The following CMSS1 variants were observed in gnomAD, a reference collection of about 807,000 sequenced individuals.
CMSS1 encodes cms1 ribosomal small subunit homolog.
In CMSS1, 33 loss-of-function variants were observed where a neutral mutation model predicts 43.5. The observed-to-expected ratio is 0.76, with a 90% CI of 0.57 to 1.01. The LOEUF is 1.01. CMSS1 is among the 50% of genes least tolerant of loss of function. The probability of loss-of-function intolerance (pLI) is 0.00; values close to 1 mark genes in which losing one functional copy is unlikely to be tolerated. For missense variants in CMSS1, 313 were observed against 326.4 expected (o/e 0.96, Z 0.32); for synonymous variants, 115 against 117.2 (o/e 0.98, Z 0.12).
intron 1 of CMSS1, among the ~76,000 whole-genome samples, chr3:99,961,287 ATTTTG>A (rs1043331682): frequency 4.3e-4 from 66 of 152,016 alleles, no homozygotes; most frequent in African/African-American, 1.5e-3. Context: ...GGGTTGGATT[ATTTTG>A]TTTTGTTTTG....
At chr3:99,888,818 T>A (rs1008203538) in intron 1 of CMSS1, among the ~76,000 whole-genome samples, 1 of 152,212 alleles carries the variant, frequency 6.6e-6, no homozygotes. Flanking sequence ...AAAAAATAAC[T>A]CTGCTAAGAA....
Position 100,179,286 on chromosome 3 carries a change from T to C in CMSS1, c.*898T>C, listed in dbSNP as rs2067170952. The C allele has an allele frequency of 6.6e-6, 1 of 152,228 alleles. No individual in the cohort carries two copies. Among genetic ancestry groups the C allele is most frequent in the South Asian group, 2.1e-4 (1 of 4,830 alleles). 9.4% of individuals were successfully genotyped at this position (152,228 alleles called of 1,614,324 possible). A position where few individuals can be genotyped will look rare whatever the true frequency, so the allele number is the denominator to read the frequency against. ...CACATTTCAAAACACAATCATGCCT[T>C]CTCAACAGTCCCCCAAAGTCTTAAC... On this transcript the variant is annotated 3_prime_UTR_variant, in exon 10 of 10. Coordinates refer to ENST00000421999, the MANE Select transcript of CMSS1 (RefSeq NM_032359.4).
intron 1 of CMSS1, among the ~76,000 whole-genome samples, chr3:99,879,208 G>A (rs1314553605): frequency 1.3e-5 from 2 of 152,124 alleles, no homozygotes; most frequent in African/African-American, 4.8e-5. Context: ...TTTCTACCAA[G>A]TTCATTGCTT....
chr3:99,968,313 A>G (rs1411749003), intron 1 of CMSS1, among the ~76,000 whole-genome samples: 1 of 152,158 alleles, frequency 6.6e-6, no homozygotes, highest in Non-Finnish European at 1.5e-5. Flanking sequence ...TGTAGCCTAA[A>G]TTGTACTTAG....
At chr3:99,883,107 T>G (rs559433048) in intron 1 of CMSS1, among the ~76,000 whole-genome samples, 2 of 152,336 alleles carry the variant, frequency 1.3e-5, no homozygotes, top group South Asian at 4.1e-4. Context: ...TCAAAAGTCT[T>G]GTGTCTACGC....
At chr3:99,995,506 A>T (rs1215936804) in intron 1 of CMSS1, among the ~76,000 whole-genome samples, 1 of 152,072 alleles carries the variant, frequency 6.6e-6, no homozygotes, top group Non-Finnish European at 1.5e-5. Context: ...GGTCTGGAGG[A>T]TGGTGGCCCT....
chr3:99,930,814 T>C (rs780364901), intron 1 of CMSS1: 22 of 1,612,682 alleles, frequency 1.4e-5, no homozygotes, highest in East Asian at 2.2e-5. Context: ...ACAGGTCATC[T>C]CTTGAGAGGT....
chr3:99,872,172 G>A (rs932721883), intron 1 of CMSS1, among the ~76,000 whole-genome samples: 1 of 152,034 alleles, frequency 6.6e-6, no homozygotes, highest in Non-Finnish European at 1.5e-5. Flanking sequence ...AAGTCACACT[G>A]TGGACATCAG....
At chr3:99,843,107 C>G (rs1380153370) in intron 1 of CMSS1, among the ~76,000 whole-genome samples, 1 of 152,188 alleles carries the variant, frequency 6.6e-6, no homozygotes, top group Non-Finnish European at 1.5e-5. Flanking sequence ...GTCTTCCTTG[C>G]TCTTTCTTGT....
chr3:99,851,538 G>C (rs1943696684), intron 1 of CMSS1, among the ~76,000 whole-genome samples: 2 of 152,168 alleles, frequency 1.3e-5, no homozygotes, highest in South Asian at 4.2e-4. Flanking sequence ...TTTACTTCAG[G>C]GGCTTTTTAT....
At chr3:99,818,174 A>G in intron 1 of CMSS1, 131 bp downstream of exon 1, 1 of 756,260 alleles carries the variant, frequency 1.3e-6, no homozygotes, top group Non-Finnish European at 2.2e-6. Flanking sequence ...GCGCGCAAGC[A>G]TCTCGGGGAA....
chr3:99,886,689 C>T (rs769211643), intron 1 of CMSS1, among the ~76,000 whole-genome samples: 6 of 152,148 alleles, frequency 3.9e-5, no homozygotes, highest in Admixed American at 6.5e-5. Context: ...CGTGGTGGCT[C>T]ATGCCTGTAA....
intron 1 of CMSS1, among the ~76,000 whole-genome samples, chr3:100,062,136 G>T (rs1291097549): frequency 1.2e-5 from 1 of 85,922 alleles, no homozygotes; most frequent in African/African-American, 5.2e-5. Context: ...TTTTGAGACG[G>T]AGTGTTGCTC....
In CMSS1 at chr3:99,849,170, C is replaced by T. The variant is rs775766718; in HGVS notation, c.64+31127C>T. On this transcript the variant is annotated intron_variant, in intron 1 of 9. Coordinates refer to ENST00000421999, the MANE Select transcript of CMSS1 (RefSeq NM_032359.4). ...ACAGATCCCTCATCATTAGGGTCCT[C>T]GTCTTGATTCTCACTCTCCTCATAT... The T allele has an allele frequency of 1.9e-5, 30 of 1,613,998 alleles. No homozygotes were observed. The highest frequency in any genetic ancestry group is 1.6e-4 in the Middle Eastern group (1 of 6,084).
At chr3:99,919,533 A>T (rs1459275819) in intron 1 of CMSS1, among the ~76,000 whole-genome samples, 1 of 151,690 alleles carries the variant, frequency 6.6e-6, no homozygotes, top group Admixed American at 6.6e-5. Flanking sequence ...AATGAGTTTA[A>T]CCTAAAAATT....
At chr3:100,066,517 CTTTTTTTTTTTTTTTTTT>C (rs545356638) in intron 1 of CMSS1, among the ~76,000 whole-genome samples, 1 of 38,304 alleles carries the variant, frequency 2.6e-5, no homozygotes, top group Non-Finnish European at 4.4e-5. Context: ...GGCTTTGCTT[CTTTTTTTTTTTTTTTTTT>C]TTTTTTTTTT....
At chr3:100,120,505 T>A (rs935886915) in intron 1 of CMSS1, among the ~76,000 whole-genome samples, 21 of 152,182 alleles carry the variant, frequency 1.4e-4, no homozygotes, top group African/African-American at 4.8e-4. Context: ...AAAATGTTAT[T>A]TCATTCTAAT....
rs767058867 is a variant in CMSS1 at position 100,178,278 on chromosome 3, T to C, written c.757-27T>C. On this transcript the variant is annotated intron_variant, in intron 9 of 9. Coordinates refer to ENST00000421999, the MANE Select transcript of CMSS1 (RefSeq NM_032359.4). ...GACCATTTTGGCTTGATCTTAATCT[T>C]TTTTTCCCCCCTTTTCTCTCATTTA... 4 of 1,499,338 alleles carry C rather than the reference T, an allele frequency of 2.7e-6. No individual in the cohort carries two copies. The South Asian group carries it at 4.6e-5, about 17-fold the overall frequency. 92.9% of individuals were successfully genotyped at this position (1,499,338 alleles called of 1,614,324 possible).
chr3:99,931,014 A>G (rs1346793399), intron 1 of CMSS1: 2 of 1,613,380 alleles, frequency 1.2e-6, no homozygotes, highest in Non-Finnish European at 1.7e-6. Flanking sequence ...CTGCCTCTGG[A>G]ACGCATTCTT....
Sources: allele counts gnomAD v4.1 joint callset (sites outside exome capture counted in the v4.1 genomes callset), GRCh38; gene constraint gnomAD v4.1.1; transcripts MANE v1.5; gene names NCBI Gene and HGNC (gene_info 2026-07-23, HGNC 2026-07-21).